Variants in CDH15 observed in about 807,000 individuals in gnomAD.
CDH15 encodes cadherin 15.
CDH15 carries 73 observed loss-of-function variants against 69.4 expected under a neutral mutation model. The observed-to-expected ratio is 1.05, with a 90% confidence interval of 0.87 to 1.28. CDH15 has a LOEUF of 1.28. Among genes scored for constraint, CDH15 ranks in the 50% most tolerant of loss-of-function variants. The pLI, the probability that CDH15 is intolerant of heterozygous loss-of-function variation, is 0.00. For synonymous variants in CDH15, 624 were observed against 507.7 expected (o/e 1.23, Z -3.08); for missense variants, 1,343 against 1,133.6 (o/e 1.18, Z -2.65).
intron 1 of CDH15, among the ~76,000 whole-genome samples, chr16:89,175,038 A>G (rs1915229588): frequency 6.6e-6 from 1 of 151,942 alleles, no homozygotes; most frequent in Non-Finnish European, 1.5e-5. Context: ...GGCCGTGGCC[A>G]GCCTGCTCAC....
At chr16:89,184,184 C>T (rs1335702380) in intron 4 of CDH15, among the ~76,000 whole-genome samples, 1 of 152,200 alleles carries the variant, frequency 6.6e-6, no homozygotes, top group Non-Finnish European at 1.5e-5. Flanking sequence ...GTGGCCAGGC[C>T]TGGCCCAGGC....
chr16:89,177,153 G>A (rs150350538), intron 1 of CDH15, among the ~76,000 whole-genome samples: 7 of 144,950 alleles, frequency 4.8e-5, no homozygotes, highest in African/African-American at 1.5e-4. Context: ...CGATGCAGAC[G>A]CCACACCCTC....
At chr16:89,171,928 A>T in intron 1 of CDH15, 55 bp downstream of exon 1, 1 of 1,504,774 alleles carries the variant, frequency 6.6e-7, no homozygotes, top group Non-Finnish European at 9.0e-7. Flanking sequence ...GCTGCGGGAC[A>T]GTGTCTTCAA....
At chr16:89,180,914 G>C (rs1010607661) in intron 3 of CDH15, among the ~76,000 whole-genome samples, 1 of 149,462 alleles carries the variant, frequency 6.7e-6, no homozygotes, top group Non-Finnish European at 1.5e-5. Flanking sequence ...TAGTAGAGAC[G>C]GGGTTTCACT....
At chr16:89,178,927 G>A (rs1272141032) in intron 1 of CDH15, among the ~76,000 whole-genome samples, 1 of 152,186 alleles carries the variant, frequency 6.6e-6, no homozygotes, top group Non-Finnish European at 1.5e-5. Context: ...GTCATTCCGT[G>A]TCAGGACCCC....
intron 1 of CDH15, among the ~76,000 whole-genome samples, chr16:89,175,060 T>C (rs1268635426): frequency 2.0e-5 from 3 of 151,094 alleles, no homozygotes; most frequent in Admixed American, 1.3e-4. Flanking sequence ...CACACCCACA[T>C]TGGCCGTGAT....
Position 89,190,477 on chromosome 16 carries a change from G to A in CDH15, c.1213G>A (p.Glu405Lys). 1 of 1,597,220 alleles carries A rather than the reference G, an allele frequency of 6.3e-7. No individual in the cohort carries two copies. The highest frequency in any genetic ancestry group is 8.5e-7 in the Non-Finnish European group (1 of 1,173,124). Reference sequence around the variant, plus strand: ...CTTCTCTGCCCGGGACCCTGACACAGAGCAGCTGCAGAGGCTCAGGTGGGG... The same window carrying A: ...CTTCTCTGCCCGGGACCCTGACACAAAGCAGCTGCAGAGGCTCAGGTGGGG... Reference protein sequence around the residue: ...ATFSARDPDTEQLQRLSYSKD... With the variant: ...ATFSARDPDTKQLQRLSYSKD... The change falls in exon 8 of 14, where the codon GAG (glutamate) becomes AAG (lysine). Residue 405 changes from glutamate to lysine, a missense_variant. Glu to Lys is a moderately conservative substitution (Grantham distance 56, BLOSUM62 1). Transcript: ENST00000289746.
intron 11 of CDH15, 22 bp from the exon 12 acceptor site, chr16:89,193,448 C>T (rs765389405): frequency 2.0e-5 from 32 of 1,596,500 alleles, no homozygotes; most frequent in Non-Finnish European, 2.7e-5. Context: ...CTGGCCCCAG[C>T]CTGCGTCCCC....
At chr16:89,178,241 C>T (rs1323584645) in intron 1 of CDH15, among the ~76,000 whole-genome samples, 1 of 152,154 alleles carries the variant, frequency 6.6e-6, no homozygotes, top group East Asian at 1.9e-4. Flanking sequence ...GGGGTCTTTA[C>T]CGGCCTGAGG....
chr16:89,177,150 G>A (rs1292606892), intron 1 of CDH15, among the ~76,000 whole-genome samples: 1 of 147,898 alleles, frequency 6.8e-6, no homozygotes, highest in Non-Finnish European at 1.5e-5. Context: ...GGACGATGCA[G>A]ACGCCACACC....
At chr16:89,194,093 G>A (rs1279299913) in intron 13 of CDH15, among the ~76,000 whole-genome samples, 180 bp downstream of exon 13, 2 of 152,248 alleles carry the variant, frequency 1.3e-5, no homozygotes, top group Non-Finnish European at 1.5e-5. Context: ...CGCTGCCACC[G>A]TCCAAACTGG....
At chr16:89,190,556 G>T (rs1426542875) in intron 8 of CDH15, 60 bp downstream of exon 8, 9 of 1,549,044 alleles carry the variant, frequency 5.8e-6, no homozygotes, top group Non-Finnish European at 7.9e-6. Flanking sequence ...TCCTGCTTCG[G>T]GTGCCCCTGA....
chr16:89,185,443 A>G (rs2287354), intron 5 of CDH15, 110 bp downstream of exon 5: 546,123 of 1,242,620 alleles, frequency 0.44, 124,893 homozygotes, highest in East Asian at 0.79. Flanking sequence ...CCCTGCCGTC[A>G]CTGCAGAGCT....
intron 9 of CDH15, 74 bp from the exon 10 acceptor site, chr16:89,191,581 G>A (rs994932412): frequency 3.9e-5 from 61 of 1,575,268 alleles, no homozygotes; most frequent in Admixed American, 1.6e-4. Context: ...TCAGAGCTGC[G>A]CACCCGCTCT....
At chr16:89,184,374 C>T (rs1462606885) in intron 4 of CDH15, among the ~76,000 whole-genome samples, 1 of 152,204 alleles carries the variant, frequency 6.6e-6, no homozygotes, top group African/African-American at 2.4e-5. Context: ...CTTCCCACCC[C>T]ACCTCGGTGG....
chr16:89,191,289 G>T, intron 8 of CDH15, 41 bp from the exon 9 acceptor site: 1 of 1,611,922 alleles, frequency 6.2e-7, no homozygotes, highest in Non-Finnish European at 8.5e-7. Flanking sequence ...GTGGGGCCCT[G>T]GGGTAAACTC....
chr16:89,189,936 C>A (rs377564354), intron 7 of CDH15, among the ~76,000 whole-genome samples: 4 of 152,352 alleles, frequency 2.6e-5, no homozygotes, highest in South Asian at 2.1e-4. Flanking sequence ...CCAGGACGAT[C>A]TCCTTTATTT....
Position 89,191,422 on chromosome 16 carries a change from C to G in CDH15, c.1325C>G (p.Pro442Arg). Reference sequence around the variant, plus strand: ...CAGCACGTGCTCAGCCCGGCGTCCCCCTTCCTCAAGGGCGGCTGGTACAGA... The same window carrying G: ...CAGCACGTGCTCAGCCCGGCGTCCCGCTTCCTCAAGGGCGGCTGGTACAGA... ...QTQHVLSPAS[P>R]FLKGGWYRAI... is the part of the protein sequence containing the mutation. The change falls in exon 9 of 14, where the codon CCC becomes CGC. Residue 442 changes from proline to arginine, a missense_variant. Physicochemically the swap from Pro to Arg is moderately radical, Grantham distance 103 (BLOSUM62 -2). Transcript: ENST00000289746. 1 of 1,612,774 alleles carries G rather than the reference C, an allele frequency of 6.2e-7. No homozygotes were observed. Among genetic ancestry groups the G allele is most frequent in the Non-Finnish European group, 8.5e-7 (1 of 1,179,996 alleles).
chr16:89,192,231 C>A lies in CDH15; in HGVS notation c.1642C>A (p.His548Asn), dbSNP rs1245151704. The change falls in exon 11 of 14, where the codon CAC becomes AAC. Residue 548 changes from histidine (H) to asparagine (N), a missense_variant. By Grantham distance (68) the His-to-Asn change is moderately conservative. Coordinates refer to ENST00000289746, the MANE Select transcript of CDH15 (RefSeq NM_004933.3). Reference protein sequence around the residue: ...NVSHARLRPRHQVPEGLHRLS... With the variant: ...NVSHARLRPRNQVPEGLHRLS... The stretch of plus-strand genomic sequence containing the variant: ...GAGCCACGCGCGCCTGCGGCCGCGA[C>A]ACCAGGTCCCCGAAGGCCTGCACCG... 6.5e-7 allele frequency: 1 copy of A among 1,529,494 alleles called. No individual in the cohort carries two copies. The highest frequency in any genetic ancestry group is 1.4e-5 in the African/African-American group (1 of 72,390). The allele number at this position is 1,529,494 out of a possible 1,614,324, so 94.7% of individuals were successfully genotyped here. A position where few individuals can be genotyped will look rare whatever the true frequency, so the allele number is the denominator to read the frequency against.
Sources: allele counts gnomAD v4.1 joint callset (sites outside exome capture counted in the v4.1 genomes callset), GRCh38; gene constraint gnomAD v4.1.1; transcripts MANE v1.5; gene names NCBI Gene and HGNC (gene_info 2026-07-23, HGNC 2026-07-21).